Variants in PCNX2 observed in about 807,000 individuals in gnomAD.
PCNX2 encodes the protein pecanex-like protein 2.
In PCNX2, 168 loss-of-function variants were observed where a neutral mutation model predicts 223.8. The ratio of observed to expected loss-of-function variants is 0.75; its 90% CI spans 0.66 to 0.85. The LOEUF (loss-of-function observed/expected upper bound fraction) is 0.85, where lower values mean the gene tolerates loss of function less well. Ranked by LOEUF, PCNX2 falls within the 40% of genes least tolerant of loss-of-function variation. The probability of loss-of-function intolerance (pLI) is 0.00; values close to 1 mark genes in which losing one functional copy is unlikely to be tolerated. For missense variants in PCNX2, 2,507 were observed against 2,675.5 expected (o/e 0.94, Z 1.39); for synonymous variants, 1,006 against 1,052.6 (o/e 0.96, Z 0.86).
intron 19 of PCNX2, among the ~76,000 whole-genome samples, chr1:233,153,426 A>G (rs1677937091): frequency 6.6e-6 from 1 of 152,214 alleles, no homozygotes; most frequent in South Asian, 2.1e-4. Flanking sequence ...TGGAATGGTG[A>G]GCAAATACAA....
chr1:232,999,166 T>A lies in PCNX2; in HGVS notation c.5542A>T (p.Ile1848Phe), dbSNP rs1240293547. ...TCCAAAGTGATGGGTCCACCCCAGA[T>A]GTTCTTCAGCTGCCTGTGTGTCCCT... ...YLGTHRQLKN[I>F]WGGPITLDRI... Residue 1848 changes from isoleucine to phenylalanine, a missense_variant, in exon 31 of 34, where the codon ATC becomes TTC. By Grantham distance (21) the Ile-to-Phe change is conservative. Around this residue, in one of 3 missense-constraint regions of PCNX2, gnomAD observed 1,372 missense variants for 1,509.4 expected, o/e 0.91. Coordinates refer to ENST00000258229, the MANE Select transcript of PCNX2 (RefSeq NM_014801.4). 2 of 1,613,958 alleles carry A rather than the reference T, an allele frequency of 1.2e-6. No individual in the cohort carries two copies. Among genetic ancestry groups the A allele is most frequent in the East Asian group, 2.2e-5 (1 of 44,866 alleles).
In PCNX2 at chr1:233,213,809, G is replaced by A. The variant is rs551668664; in HGVS notation, c.2691+4090C>T. On this transcript the variant is annotated intron_variant, in intron 12 of 33. Transcript: ENST00000258229. ...CCAGGCATATTACATACATTGCCCA[G>A]TGCACTCTTTTTTTTTTTTTTTTTT... Among the ~76,000 whole-genome samples, 6 of 139,706 alleles carry A rather than the reference G, an allele frequency of 4.3e-5. No individual in the cohort carries two copies. In the South Asian group the frequency reaches 1.4e-3, roughly 32 times the overall value. The allele number at this position is 139,706 out of a possible 152,430, so 91.7% of individuals were successfully genotyped here.
At position 233,002,889 on chromosome 1, in the gene PCNX2, A is replaced by C. The variant is rs547811946; in HGVS notation, c.4953-1208T>G. Among the ~76,000 whole-genome samples the C allele has an allele frequency of 2.4e-3, 370 of 152,344 alleles. 1 individual carries two copies. Among genetic ancestry groups the C allele is most frequent in the African/African-American group, 8.1e-3 (335 of 41,576 alleles). The stretch of plus-strand genomic sequence containing the variant: ...ATCTGATCTTTGACAAACCTGACAA[A>C]AACAAGCAATGGGGAAAGGATTCCC... On this transcript the variant is annotated intron_variant, in intron 28 of 33. Transcript: ENST00000258229.
At chr1:233,252,060 C>A (rs7524599) in intron 7 of PCNX2, among the ~76,000 whole-genome samples, 4,285 of 152,222 alleles carry the variant, frequency 0.028, 106 homozygotes, top group African/African-American at 0.072. Context: ...GTTAAGAGAA[C>A]AACAAAAACT....
chr1:233,160,144 C>T (rs954493017), intron 19 of PCNX2, 139 bp downstream of exon 19: 2 of 883,048 alleles, frequency 2.3e-6, no homozygotes, highest in African/African-American at 1.7e-5. Context: ...TGGTAAAATA[C>T]ACATAATGTA....
intron 20 of PCNX2, among the ~76,000 whole-genome samples, chr1:233,138,281 C>A (rs911923896): frequency 2.0e-5 from 3 of 152,198 alleles, no homozygotes; most frequent in East Asian, 3.9e-4. Flanking sequence ...TCTAAATGGA[C>A]CCTCTCTGAA....
At chr1:233,047,376 A>T (rs1200761365) in intron 25 of PCNX2, 1 of 984,886 alleles carries the variant, frequency 1.0e-6, no homozygotes, top group Non-Finnish European at 1.2e-6. Flanking sequence ...CTAAGATCTC[A>T]TTAACTTGGA....
intron 32 of PCNX2, among the ~76,000 whole-genome samples, chr1:232,994,892 C>A (rs144472893): frequency 3.9e-5 from 6 of 152,172 alleles, no homozygotes; most frequent in Admixed American, 3.9e-4. Flanking sequence ...GAGGTCCCCC[C>A]AGCCATGCAG....
chr1:233,067,630 C>G (rs1183721544), intron 23 of PCNX2, among the ~76,000 whole-genome samples: 3 of 151,926 alleles, frequency 2.0e-5, no homozygotes, highest in African/African-American at 7.3e-5. Context: ...CATGCCACCA[C>G]ACCCAGCTAA....
In PCNX2 at chr1:233,286,574, G is replaced by A. The variant is rs576268582; in HGVS notation, c.153+8752C>T. On this transcript the variant is annotated intron_variant, in intron 1 of 33. Transcript: ENST00000258229. ...TCATGTCTGAATGGGCTACGGAGCA[G>A]AGGAGACTGGCACAGAAGAAAGCTG... is the stretch of plus-strand genomic sequence containing the variant. Among the ~76,000 whole-genome samples the A allele has an allele frequency of 4.6e-5, 7 of 152,296 alleles. No individual in the cohort carries two copies. The South Asian group carries it at 1.5e-3, about 32-fold the overall frequency.
intron 26 of PCNX2, 107 bp downstream of exon 26, chr1:233,025,039 A>C: frequency 6.9e-7 from 1 of 1,441,770 alleles, no homozygotes; most frequent in Non-Finnish European, 9.4e-7. Flanking sequence ...CCAATTCGGA[A>C]GCTGAGGATG....
At chr1:233,042,164 T>A (rs1310890881) in intron 25 of PCNX2, among the ~76,000 whole-genome samples, 2 of 152,214 alleles carry the variant, frequency 1.3e-5, no homozygotes, top group Admixed American at 6.5e-5. Flanking sequence ...TATATTTCCC[T>A]ACGCCCTTCA....
At chr1:233,266,610 G>A (rs1241799442) in intron 1 of PCNX2, among the ~76,000 whole-genome samples, 1 of 152,184 alleles carries the variant, frequency 6.6e-6, no homozygotes, top group Admixed American at 6.5e-5. Context: ...GGCTTAGGAA[G>A]GGATTCGCCA....
At chr1:233,231,203 A>C (rs1031660315) in intron 9 of PCNX2, among the ~76,000 whole-genome samples, 2 of 152,174 alleles carry the variant, frequency 1.3e-5, no homozygotes, top group Admixed American at 1.3e-4. Context: ...GTGAATCAAC[A>C]CATCAAGCAG....
Position 233,258,396 on chromosome 1 carries a change from G to C in PCNX2, c.1466C>G (p.Pro489Arg), listed in dbSNP as rs1190518978. 6.2e-7 allele frequency: 1 copy of C among 1,613,904 alleles called. No individual in the cohort carries two copies. Among genetic ancestry groups the C allele is most frequent in the Admixed American group, 1.7e-5 (1 of 60,016 alleles). Residue 489 changes from proline (P) to arginine (R), a missense_variant, in exon 5 of 34, where the codon CCC becomes CGC. Physicochemically the swap from Pro to Arg is moderately radical, Grantham distance 103. Transcript: ENST00000258229. ...TGTAAGCCGGGACACCGATTCCCAG[G>C]GTTCCCGTGATGAAGAACTGTGATC... ...IKDHSSSSRE[P>R]WESVSRLTPD...
chr1:233,103,319 T>C (rs72763931), intron 21 of PCNX2, among the ~76,000 whole-genome samples: 6,941 of 152,218 alleles, frequency 0.046, 203 homozygotes, highest in African/African-American at 0.074. Context: ...AAATGTACAA[T>C]TAATTTATTA....
chr1:233,218,079 C>G lies in PCNX2; in HGVS notation c.2610G>C (p.Val870=), dbSNP rs942300436. The G allele has an allele frequency of 1.8e-5, 28 of 1,590,390 alleles. No homozygotes were observed. Among genetic ancestry groups the G allele is most frequent in the Non-Finnish European group, 2.4e-5 (28 of 1,168,098 alleles). The part of the protein sequence containing the change: ...LSQGFCKDMW[V]LLFCLVMASC... Reference sequence around the variant, plus strand: ...TGGCCATGACGAGGCAGAAGAGGAGCACCCACATATCTTTGCAAAAGCCTT... The same window carrying G: ...TGGCCATGACGAGGCAGAAGAGGAGGACCCACATATCTTTGCAAAAGCCTT... The change falls in exon 11 of 34, where the codon GTG becomes GTC. Residue 870 remains valine (V), a synonymous_variant. Coordinates refer to ENST00000258229, the MANE Select transcript of PCNX2 (RefSeq NM_014801.4).
chr1:233,317,491 CTCATA>C, the PCNX2 span, among the ~76,000 whole-genome samples: 2 of 152,072 alleles, frequency 1.3e-5, no homozygotes, highest in African/African-American at 4.8e-5. Context: ...TACAATTAAT[CTCATA>C]TATGTATAAT....
At chr1:233,031,050 C>T (rs891259219) in intron 25 of PCNX2, among the ~76,000 whole-genome samples, 10 of 152,162 alleles carry the variant, frequency 6.6e-5, no homozygotes, top group Admixed American at 1.3e-4. Flanking sequence ...AAGAAAGCAC[C>T]TCTGGGCAGA....
Sources: allele counts gnomAD v4.1 joint callset (sites outside exome capture counted in the v4.1 genomes callset), GRCh38; gene constraint gnomAD v4.1.1; regional missense constraint gnomAD v4.1.1; transcripts MANE v1.5; gene names NCBI Gene and HGNC (gene_info 2026-07-23, HGNC 2026-07-21).